TCAIM: variants seen among roughly 807,000 people sequenced by gnomAD.
TCAIM encodes the protein T cell activation inhibitor, mitochondrial.
In TCAIM, 36 loss-of-function variants were observed where a neutral mutation model predicts 58.6. The observed-to-expected ratio is 0.61, with a 90% confidence interval of 0.47 to 0.81. The LOEUF is 0.81. TCAIM is among the 30% of genes least tolerant of loss of function. The pLI is 0.00. For synonymous variants in TCAIM, 172 were observed against 193.6 expected (o/e 0.89, Z 0.93); for missense variants, 466 against 579.6 (o/e 0.80, Z 2.01).
intron 10 of TCAIM, among the ~76,000 whole-genome samples, chr3:44,402,100 C>T (rs1702029954): frequency 6.6e-6 from 1 of 151,338 alleles, no homozygotes; most frequent in Non-Finnish European, 1.5e-5. Context: ...TGAGAAGAAA[C>T]CTTAAAGCAA....
chr3:44,371,914 C>T (rs1292206056), intron 5 of TCAIM, among the ~76,000 whole-genome samples: 2 of 151,866 alleles, frequency 1.3e-5, no homozygotes, highest in South Asian at 2.1e-4. Context: ...CACTCTTACA[C>T]GGATTTTTTT....
At chr3:44,373,794 G>A (rs929962654) in intron 5 of TCAIM, among the ~76,000 whole-genome samples, 4 of 151,946 alleles carry the variant, frequency 2.6e-5, no homozygotes, top group Admixed American at 6.5e-5. Context: ...CTATATTTTG[G>A]GTATATTCTT....
At chr3:44,361,334 G>A (rs756081222) in intron 3 of TCAIM, 31 bp from the exon 4 acceptor site, 1 of 1,549,968 alleles carries the variant, frequency 6.5e-7, no homozygotes, top group Non-Finnish European at 8.7e-7. Context: ...GTTCTATTTT[G>A]TATGTAAATG....
chr3:44,374,020 T>C (rs578071457), intron 5 of TCAIM, among the ~76,000 whole-genome samples: 1 of 152,344 alleles, frequency 6.6e-6, no homozygotes, highest in East Asian at 1.9e-4. Context: ...TTTTTTCTAT[T>C]TGACCTTAGC....
chr3:44,347,774 C>T (rs1324197429), intron 1 of TCAIM, among the ~76,000 whole-genome samples: 1 of 151,992 alleles, frequency 6.6e-6, no homozygotes, highest in Non-Finnish European at 1.5e-5. Context: ...GGGATATTGG[C>T]CTTAAGCAGG....
At chr3:44,349,009 T>C (rs1297321467) in intron 1 of TCAIM, among the ~76,000 whole-genome samples, 2 of 149,512 alleles carry the variant, frequency 1.3e-5, no homozygotes, top group Non-Finnish European at 3.0e-5. Flanking sequence ...GGAGGGGAGG[T>C]GATAGAAGAA....
intron 5 of TCAIM, among the ~76,000 whole-genome samples, chr3:44,371,163 C>A (rs931987956): frequency 5.3e-5 from 8 of 151,976 alleles, no homozygotes; most frequent in South Asian, 4.2e-4. Flanking sequence ...CCGCCCACCT[C>A]GACCTCCCAA....
At chr3:44,404,589 G>C (rs1027102555) in intron 10 of TCAIM, among the ~76,000 whole-genome samples, 1 of 151,816 alleles carries the variant, frequency 6.6e-6, no homozygotes, top group Non-Finnish European at 1.5e-5. Context: ...GCCTCTCCTC[G>C]CCTTTGCTGT....
chr3:44,387,421 C>T (rs377091612), intron 5 of TCAIM, among the ~76,000 whole-genome samples: 11 of 152,284 alleles, frequency 7.2e-5, no homozygotes, highest in African/African-American at 2.6e-4. Context: ...GGTCTGGGCT[C>T]CCCAAACCAG....
At chr3:44,394,924 ATATATATATATATAT>A (rs1701908392) in intron 6 of TCAIM, among the ~76,000 whole-genome samples, 22 of 20,688 alleles carry the variant, frequency 1.1e-3, no homozygotes, top group African/African-American at 1.6e-3. Context: ...AAAAAAAAAT[ATATATATATATATAT>A]ATATATATAT....
chr3:44,400,367 T>C lies in TCAIM; in HGVS notation c.898T>C (p.Leu300=), dbSNP rs147444698. The stretch of plus-strand genomic sequence containing the variant: ...GTTAACACTGTAGCTTTTTGAAAGA[T>C]TGCCAAGTTATTTTGACCTTCAGAG... ...HHHWTKLFER[L]PSYFDLQRRL... is the part of the protein sequence containing the mutation. Residue 300 remains leucine, a synonymous_variant, in exon 9 of 11, where the codon TTG becomes CTG. Coordinates refer to ENST00000342649, the MANE Select transcript of TCAIM (RefSeq NM_173826.4). The C allele has an allele frequency of 8.2e-4, 1,319 of 1,613,328 alleles. 22 individuals carry two copies. In the East Asian group the frequency reaches 0.028, roughly 34 times the overall value.
At chr3:44,383,536 A>G (rs4682974) in intron 5 of TCAIM, among the ~76,000 whole-genome samples, 147,889 of 152,232 alleles carry the variant, frequency 0.97, 71,975 homozygotes, top group Middle Eastern at 1. Context: ...GTTGCCAGGG[A>G]CTGGAGGGAG....
At position 44,341,037 on chromosome 3, in the gene TCAIM, A is replaced by G. The variant is rs576394159; in HGVS notation, c.-45+2203A>G. The G allele has an allele frequency of 7.2e-5, 11 of 152,318 alleles. No individual in the cohort carries two copies. The South Asian group carries it at 2.3e-3, about 32-fold the overall frequency. The allele number at this position is 152,318 out of a possible 1,614,324, so 9.4% of individuals were successfully genotyped here. ...TTTTTAATTTTTTCCAATGATTTGT[A>G]TAGGAAGTGATCATCTTAGAGCAAT... is the stretch of plus-strand genomic sequence containing the variant. On this transcript the variant is annotated intron_variant, in intron 1 of 10. Transcript: ENST00000342649.
intron 1 of TCAIM, chr3:44,340,570 GTAGC>G (rs1700835934): frequency 6.6e-6 from 1 of 152,164 alleles, no homozygotes; most frequent in African/African-American, 2.4e-5. Context: ...CATAAATTGG[GTAGC>G]TAAAGATCCA....
chr3:44,377,477 A>G (rs1701584145), intron 5 of TCAIM, among the ~76,000 whole-genome samples: 1 of 152,204 alleles, frequency 6.6e-6, no homozygotes, highest in South Asian at 2.1e-4. Flanking sequence ...CAAACAAGAA[A>G]TAAGTAAGGA....
intron 5 of TCAIM, among the ~76,000 whole-genome samples, chr3:44,387,043 CT>C (rs1300802986): frequency 6.6e-6 from 1 of 152,212 alleles, no homozygotes; most frequent in Non-Finnish European, 1.5e-5. Context: ...GAAAATCCTC[CT>C]TTCTGAGCAC....
intron 1 of TCAIM, among the ~76,000 whole-genome samples, chr3:44,339,051 T>C (rs1700797927): frequency 6.6e-6 from 1 of 152,152 alleles, no homozygotes; most frequent in South Asian, 2.1e-4. Context: ...TTCCGACTTA[T>C]ATTTTTCCGA....
At chr3:44,385,263 G>A (rs1701720597) in intron 5 of TCAIM, among the ~76,000 whole-genome samples, 1 of 152,224 alleles carries the variant, frequency 6.6e-6, no homozygotes, top group Non-Finnish European at 1.5e-5. Context: ...GTTTACAGAA[G>A]ATTGGAGGAC....
chr3:44,373,337 A>G (rs1255275481), intron 5 of TCAIM, among the ~76,000 whole-genome samples: 1 of 152,188 alleles, frequency 6.6e-6, no homozygotes, highest in Non-Finnish European at 1.5e-5. Context: ...TCTTACTTCA[A>G]CATTCCTTTG....
Sources: gnomAD v4.1 joint callset for allele counts (sites outside exome capture counted in the v4.1 genomes callset) on GRCh38, gnomAD v4.1.1 for gene constraint, MANE v1.5 for transcripts, NCBI Gene and HGNC (gene_info 2026-07-23, HGNC 2026-07-21) for gene names.